Variants in RGPD4 observed in about 807,000 individuals in gnomAD.
The protein encoded by RGPD4 is RANBP2 like and GRIP domain containing 4.
Under a neutral mutation model 141.1 loss-of-function variants are expected in RGPD4, and 84 were observed. The ratio of observed to expected loss-of-function variants is 0.60; its 90% confidence interval spans 0.50 to 0.71. The LOEUF (loss-of-function observed/expected upper bound fraction) is 0.71, where lower values mean the gene tolerates loss of function less well. Ranked by LOEUF, RGPD4 falls within the 30% of genes least tolerant of loss-of-function variation. The probability of loss-of-function intolerance (pLI) is 0.00; values close to 1 mark genes in which losing one functional copy is unlikely to be tolerated. For synonymous variants in RGPD4, 298 were observed against 566.8 expected (o/e 0.53, Z 6.74); for missense variants, 918 against 1,622.4 (o/e 0.57, Z 7.46).
At chr2:107,828,093 A>G (rs1282159892) in intron 1 of RGPD4, among the ~76,000 whole-genome samples, 3 of 23,586 alleles carry the variant, frequency 1.3e-4, no homozygotes, top group African/African-American at 7.5e-4. Flanking sequence ...AGCGGCCTCG[A>G]CCTGGCCGGG....
At chr2:107,863,715 A>G (rs1387526812) in intron 17 of RGPD4, among the ~76,000 whole-genome samples, 4 of 151,694 alleles carry the variant, frequency 2.6e-5, no homozygotes, top group East Asian at 1.9e-4. Context: ...CTGGTTTTGA[A>G]CTTCTGACCT....
rs1477663163 is a variant in RGPD4 at position 107,890,892 on chromosome 2, T to C, written c.*161T>C. The C allele has an allele frequency of 1.4e-6, 1 of 690,606 alleles. No individual in the cohort carries two copies. Among genetic ancestry groups the C allele is most frequent in the African/African-American group, 1.8e-5 (1 of 54,702 alleles). The allele number at this position is 690,606 out of a possible 1,614,324, so 42.8% of individuals were successfully genotyped here. ...TTTTGTCAAAAAGTGTGTATATGTTTGCATTTACATATATTTGTACATCTA... is the reference window on the plus strand; with the variant it reads ...TTTTGTCAAAAAGTGTGTATATGTTCGCATTTACATATATTTGTACATCTA... On this transcript the variant is annotated 3_prime_UTR_variant, in exon 23 of 23. Coordinates refer to ENST00000408999, the MANE Select transcript of RGPD4 (RefSeq NM_182588.3).
chr2:107,852,390 A>C (rs1375908789), intron 7 of RGPD4, among the ~76,000 whole-genome samples: 2 of 151,162 alleles, frequency 1.3e-5, no homozygotes, highest in East Asian at 1.9e-4. Context: ...TTTGAAAACA[A>C]AAAGAATGAT....
intron 1 of RGPD4, among the ~76,000 whole-genome samples, chr2:107,829,137 C>A (rs866372811): frequency 1.3e-4 from 2 of 15,984 alleles, no homozygotes; most frequent in South Asian, 3.9e-3. Context: ...TCATGGCTCC[C>A]GACGGGCGCT....
rs1234806251 is a variant in RGPD4, at chr2:107,857,370, C to T, written c.1276+401C>T. Among the ~76,000 whole-genome samples, 13 of 150,932 alleles carry T rather than the reference C, an allele frequency of 8.6e-5. No individual in the cohort carries two copies. In the South Asian group the frequency reaches 2.1e-3, roughly 24 times the overall value. On this transcript the variant is annotated intron_variant, in intron 9 of 22. Coordinates refer to ENST00000408999, the MANE Select transcript of RGPD4 (RefSeq NM_182588.3). ...GTCAGGCTGGTCTCAAACTCCTGAC[C>T]TCAGGTGATCCACCTGCCTTGGCCT... is the stretch of plus-strand genomic sequence containing the variant.
chr2:107,833,704 A>T (rs1681573147), intron 1 of RGPD4, among the ~76,000 whole-genome samples: 1 of 151,540 alleles, frequency 6.6e-6, no homozygotes, highest in Admixed American at 6.6e-5. Context: ...TTTTTCTATT[A>T]TGTTTTGGCA....
chr2:107,829,609 G>C lies in RGPD4; in HGVS notation c.72+2524G>C, dbSNP rs561738946. Among the ~76,000 whole-genome samples the C allele has an allele frequency of 6.6e-4, 92 of 139,298 alleles. 2 individuals are homozygous for C. Among genetic ancestry groups the C allele is most frequent in the African/African-American group, 1.1e-3 (34 of 30,266 alleles). The allele number at this position is 139,298 out of a possible 152,430, so 91.4% of individuals were successfully genotyped here. ...TCCCGACGGGCGCTGCTCCCAGGCG[G>C]GCTCTGTTGAGGCGCCGGCCGGCTG... On this transcript the variant is annotated intron_variant, in intron 1 of 22. Coordinates refer to ENST00000408999, the MANE Select transcript of RGPD4 (RefSeq NM_182588.3).
At position 107,870,834 on chromosome 2, in the gene RGPD4, G is replaced by A. The variant is rs1168281338; in HGVS notation, c.2830G>A (p.Asp944Asn). Reference sequence around the variant, plus strand: ...GGAAAGTGAAAAGCCTCTTGAAAATGATACTGGCTTCCAGGCTCAGGATAT... The same window carrying A: ...GGAAAGTGAAAAGCCTCTTGAAAATAATACTGGCTTCCAGGCTCAGGATAT... The part of the protein sequence containing the change: ...EKESEKPLEN[D>N]TGFQAQDISG... Residue 944 changes from aspartate (D) to asparagine (N), a missense_variant, in exon 20 of 23, where the codon GAT becomes AAT. Asp to Asn is a conservative substitution (Grantham distance 23, BLOSUM62 1). Coordinates refer to ENST00000408999, the MANE Select transcript of RGPD4 (RefSeq NM_182588.3). 2 of 1,610,208 alleles carry A rather than the reference G, an allele frequency of 1.2e-6. 1 individual carries two copies. Among genetic ancestry groups the A allele is most frequent in the African/African-American group, 2.7e-5 (2 of 74,286 alleles).
Position 107,854,654 on chromosome 2 carries a change from T to A in RGPD4, c.1066+11T>A. 1.7e-6 allele frequency: 2 copies of A among 1,175,292 alleles called. No individual in the cohort carries two copies. The highest frequency in any genetic ancestry group is 1.4e-5 in the South Asian group (1 of 71,282). The allele number at this position is 1,175,292 out of a possible 1,614,324, so 72.8% of individuals were successfully genotyped here. A position where few individuals can be genotyped will look rare whatever the true frequency, so the allele number is the denominator to read the frequency against. Reference sequence around the variant, plus strand: ...GACTGAGCCAATCAGGTAATAGTAATATTAAACTAATTTAATTTAAAAAGA... The same window carrying A: ...GACTGAGCCAATCAGGTAATAGTAAAATTAAACTAATTTAATTTAAAAAGA... On this transcript the variant is annotated intron_variant, in intron 8 of 22. Transcript: ENST00000408999.
chr2:107,877,100 G>A (rs1473083030), intron 20 of RGPD4, among the ~76,000 whole-genome samples: 2 of 151,854 alleles, frequency 1.3e-5, no homozygotes, highest in Non-Finnish European at 2.9e-5. Context: ...TAGACCAGGT[G>A]TGGTGTCTCA....
At chr2:107,844,346 T>C (rs1002399382) in intron 6 of RGPD4, among the ~76,000 whole-genome samples, 2 of 152,020 alleles carry the variant, frequency 1.3e-5, no homozygotes, top group Non-Finnish European at 2.9e-5. Flanking sequence ...ATATGGCCCC[T>C]GCCTAATTTT....
intron 1 of RGPD4, among the ~76,000 whole-genome samples, chr2:107,830,560 G>T (rs369745082): frequency 1.4e-4 from 21 of 152,122 alleles, no homozygotes; most frequent in South Asian, 1.0e-3. Context: ...CCCCCAAATT[G>T]AAAGTCATTT....
chr2:107,887,795 CT>C (rs1366141833), intron 22 of RGPD4, among the ~76,000 whole-genome samples: 1 of 69,534 alleles, frequency 1.4e-5, no homozygotes, highest in African/African-American at 6.1e-5. Flanking sequence ...TGTTTCATTT[CT>C]ATTTGAGATA....
rs760039685 is a variant in RGPD4 at position 107,827,054 on chromosome 2, C to G, written c.41C>G (p.Ser14Cys). The G allele has an allele frequency of 2.6e-5, 42 of 1,597,292 alleles. No homozygotes were observed. The highest frequency in any genetic ancestry group is 3.4e-5 in the Non-Finnish European group (40 of 1,173,310). Residue 14 changes from serine (S) to cysteine (C), a missense_variant, in exon 1 of 23, where the codon TCC becomes TGC. By Grantham distance (112) the Ser-to-Cys change is moderately radical. Coordinates refer to ENST00000408999, the MANE Select transcript of RGPD4 (RefSeq NM_182588.3). ...SKAYGERYVA[S>C]VQGSAPSPRK... ...GCCTACGGGGAGCGGTACGTCGCCTCCGTGCAGGGCTCCGCCCCGTCGCCT... is the reference window on the plus strand; with the variant it reads ...GCCTACGGGGAGCGGTACGTCGCCTGCGTGCAGGGCTCCGCCCCGTCGCCT...
chr2:107,877,828 G>T (rs1490637231), intron 20 of RGPD4, among the ~76,000 whole-genome samples: 1 of 151,556 alleles, frequency 6.6e-6, no homozygotes, highest in South Asian at 2.1e-4. Flanking sequence ...TTGTTTTTTT[G>T]TTTTGAGCTG....
intron 1 of RGPD4, among the ~76,000 whole-genome samples, chr2:107,829,974 C>T (rs1681418871): frequency 6.6e-6 from 1 of 152,030 alleles, no homozygotes; most frequent in Admixed American, 6.5e-5. Flanking sequence ...TGAGCTTTGG[C>T]GGCTGCGTCG....
intron 20 of RGPD4, among the ~76,000 whole-genome samples, chr2:107,877,804 A>G (rs1683131792): frequency 6.6e-6 from 1 of 151,738 alleles, no homozygotes; most frequent in Non-Finnish European, 1.5e-5. Context: ...TTTGATGACT[A>G]AGGTTTTTTT....
intron 1 of RGPD4, among the ~76,000 whole-genome samples, chr2:107,830,852 G>T (rs1681458789): frequency 6.6e-6 from 1 of 151,848 alleles, no homozygotes; most frequent in African/African-American, 2.4e-5. Flanking sequence ...TATCTTTCTA[G>T]TCTTCCATTG....
chr2:107,888,546 T>G (rs1454781960), intron 22 of RGPD4, among the ~76,000 whole-genome samples: 1 of 151,826 alleles, frequency 6.6e-6, no homozygotes, highest in Non-Finnish European at 1.5e-5. Context: ...CTTTTCAGAG[T>G]TCTTTGCCCT....
Sources: gnomAD v4.1 joint callset for allele counts (sites outside exome capture counted in the v4.1 genomes callset) on GRCh38, gnomAD v4.1.1 for gene constraint, MANE v1.5 for transcripts, NCBI Gene and HGNC (gene_info 2026-07-23, HGNC 2026-07-21) for gene names.